DAPK1: variants seen among roughly 807,000 people sequenced by gnomAD.
The protein encoded by DAPK1 is death-associated protein kinase 1.
DAPK1 carries 56 observed loss-of-function variants against 144.9 expected under a neutral mutation model. The observed-to-expected ratio is 0.39, with a 90% CI of 0.31 to 0.48. The LOEUF (loss-of-function observed/expected upper bound fraction) is 0.48, where lower values mean the gene tolerates loss of function less well. Ranked by LOEUF, DAPK1 falls within the 20% of genes least tolerant of loss-of-function variation. The pLI, the probability that DAPK1 is intolerant of heterozygous loss-of-function variation, is 0.95. For missense variants in DAPK1, 1,454 were observed against 1,875.4 expected, an observed-to-expected ratio of 0.78 and a Z score of 4.15; for synonymous variants, 690 against 749.0, an observed-to-expected ratio of 0.92 and a Z score of 1.29.
At chr9:87,572,879 C>T (rs1003284889) in intron 2 of DAPK1, among the ~76,000 whole-genome samples, 2 of 152,246 alleles carry the variant, frequency 1.3e-5, no homozygotes, top group South Asian at 4.2e-4. Flanking sequence ...AAACACACAT[C>T]CAGATGAAGC....
chr9:87,650,199 C>A, intron 16 of DAPK1, 81 bp downstream of exon 16: 2 of 1,432,250 alleles, frequency 1.4e-6, no homozygotes, highest in Non-Finnish European at 1.9e-6. Context: ...CAGTTTGTTT[C>A]CCTAAGATAA....
At chr9:87,695,550 C>T (rs1342378278) in intron 21 of DAPK1, among the ~76,000 whole-genome samples, 1 of 152,162 alleles carries the variant, frequency 6.6e-6, no homozygotes, top group Non-Finnish European at 1.5e-5. Flanking sequence ...GGGCAGCCTT[C>T]ACAGCTCCAG....
At chr9:87,666,682 C>T (rs948141096) in intron 18 of DAPK1, among the ~76,000 whole-genome samples, 1 of 151,988 alleles carries the variant, frequency 6.6e-6, no homozygotes, top group East Asian at 1.9e-4. Flanking sequence ...CCATGTTGGG[C>T]AGGCTGGTCT....
chr9:87,602,204 T>G (rs1262622583), intron 2 of DAPK1, among the ~76,000 whole-genome samples: 1 of 152,098 alleles, frequency 6.6e-6, no homozygotes, highest in Non-Finnish European at 1.5e-5. Context: ...TAGAACAAGT[T>G]TCCCAAGCTC....
At chr9:87,553,001 C>T (rs566145867) in intron 2 of DAPK1, among the ~76,000 whole-genome samples, 18 of 152,228 alleles carry the variant, frequency 1.2e-4, no homozygotes, top group Middle Eastern at 3.4e-3. Context: ...AGAACTTTTT[C>T]GTCATCCCAA....
At chr9:87,512,569 T>TA (rs1328556968) in intron 2 of DAPK1, among the ~76,000 whole-genome samples, 1 of 152,212 alleles carries the variant, frequency 6.6e-6, no homozygotes, top group African/African-American at 2.4e-5. Flanking sequence ...AATGCCCACT[T>TA]ACATGTCTAA....
intron 19 of DAPK1, 190 bp downstream of exon 19, chr9:87,668,864 T>C (rs1176851228): frequency 3.5e-6 from 2 of 570,120 alleles, no homozygotes; most frequent in African/African-American, 1.9e-5. Flanking sequence ...TTTTCTTCTC[T>C]ATTTGGACTT....
At chr9:87,674,979 C>A (rs900588637) in intron 19 of DAPK1, among the ~76,000 whole-genome samples, 2 of 152,186 alleles carry the variant, frequency 1.3e-5, no homozygotes, top group Admixed American at 6.5e-5. Flanking sequence ...AAGAGCTGTT[C>A]TAGGCACTGC....
chr9:87,548,993 A>G (rs1041860569), intron 2 of DAPK1, among the ~76,000 whole-genome samples: 6 of 127,100 alleles, frequency 4.7e-5, no homozygotes, highest in African/African-American at 1.5e-4. Flanking sequence ...CAGGTTTGTT[A>G]CATAGGTAAA....
At position 87,606,531 on chromosome 9, in the gene DAPK1, TTCCC is replaced by T. The variant is rs1418729787; in HGVS notation, c.284+1357_284+1360del. 3.2e-4 allele frequency among the ~76,000 whole-genome samples: 29 copies of T among 90,968 alleles called. No homozygotes were observed. In the East Asian group the frequency reaches 9.1e-3, roughly 29 times the overall value. 59.7% of individuals were successfully genotyped at this position (90,968 alleles called of 152,430 possible). A position where few individuals can be genotyped will look rare whatever the true frequency, so the allele number is the denominator to read the frequency against. On this transcript the variant is annotated intron_variant, in intron 3 of 25. Coordinates refer to ENST00000408954, the MANE Select transcript of DAPK1 (RefSeq NM_004938.4). ...CCTCTCTCCTTCCTTCCTTCCTTCC[TTCCC>T]CCCTCCCTCCCTCTCTCCCTCTCTC...
intron 17 of DAPK1, among the ~76,000 whole-genome samples, chr9:87,652,672 T>C (rs1470238479): frequency 1.0e-3 from 94 of 94,422 alleles, no homozygotes; most frequent in East Asian, 3.4e-3. Flanking sequence ...CCCCCGATCC[T>C]GGGTCCTGAT....
chr9:87,688,649 C>G (rs528018185), intron 21 of DAPK1, among the ~76,000 whole-genome samples: 1 of 152,062 alleles, frequency 6.6e-6, no homozygotes, highest in African/African-American at 2.4e-5. Flanking sequence ...AATGGTATCT[C>G]ATTGTGGTTT....
chr9:87,705,469 G>T (rs887356808), intron 25 of DAPK1, among the ~76,000 whole-genome samples: 5 of 151,928 alleles, frequency 3.3e-5, no homozygotes, highest in African/African-American at 9.7e-5. Context: ...TGATCCACCC[G>T]CCTCGGCCTC....
intron 5 of DAPK1, 51 bp downstream of exon 5, chr9:87,639,534 G>A (rs1386019407): frequency 1.9e-6 from 3 of 1,609,882 alleles, no homozygotes; most frequent in Non-Finnish European, 2.5e-6. Flanking sequence ...CATTATTCTG[G>A]CAAACCTCCC....
At chr9:87,600,842 G>C (rs906307677) in intron 2 of DAPK1, among the ~76,000 whole-genome samples, 1 of 152,190 alleles carries the variant, frequency 6.6e-6, no homozygotes, top group Non-Finnish European at 1.5e-5. Context: ...GTGTGAGGAG[G>C]GGGCAGAAGG....
At chr9:87,559,457 A>G (rs1826830299) in intron 2 of DAPK1, among the ~76,000 whole-genome samples, 1 of 149,642 alleles carries the variant, frequency 6.7e-6, no homozygotes, top group Non-Finnish European at 1.5e-5. Flanking sequence ...AGCATGTGAA[A>G]TGGGACTAGT....
chr9:87,541,337 C>T (rs1587701914), intron 2 of DAPK1, among the ~76,000 whole-genome samples: 1 of 152,172 alleles, frequency 6.6e-6, no homozygotes, highest in South Asian at 2.1e-4. Flanking sequence ...CCCTTGAGAC[C>T]AGGAGTTTGA....
chr9:87,518,702 C>T (rs985848044), intron 2 of DAPK1, among the ~76,000 whole-genome samples: 1 of 152,128 alleles, frequency 6.6e-6, no homozygotes, highest in African/African-American at 2.4e-5. Flanking sequence ...CCTTATTTCT[C>T]TGTATCTGTG....
At chr9:87,668,369 G>A (rs1334005836) in intron 18 of DAPK1, 1 of 537,064 alleles carries the variant, frequency 1.9e-6, no homozygotes, top group East Asian at 3.2e-5. Context: ...TGGACAGGAA[G>A]ACACCAACAT....
Sources: gnomAD v4.1 joint callset for allele counts (sites outside exome capture counted in the v4.1 genomes callset) on GRCh38, gnomAD v4.1.1 for gene constraint, MANE v1.5 for transcripts, NCBI Gene and HGNC (gene_info 2026-07-23, HGNC 2026-07-21) for gene names.